The following BCAT1 variants were observed in gnomAD, a reference collection of about 807,000 sequenced individuals.
BCAT1 encodes the protein branched chain amino acid transaminase 1, also known as branched-chain-amino-acid aminotransferase, cytosolic.
Under a neutral mutation model 52.4 loss-of-function variants are expected in BCAT1, and 48 were observed. The ratio of observed to expected loss-of-function variants is 0.92; its 90% confidence interval spans 0.73 to 1.16. BCAT1 has a LOEUF of 1.16. Ranked by LOEUF, BCAT1 falls within the 50% of genes most tolerant of loss-of-function variation. The pLI is 0.00. For synonymous variants in BCAT1, 167 were observed against 161.3 expected (o/e 1.04, Z -0.27); for missense variants, 451 against 457.1 (o/e 0.99, Z 0.12).
At chr12:24,830,790 G>C (rs1591782976) in intron 9 of BCAT1, 1 of 152,118 alleles carries the variant, frequency 6.6e-6, no homozygotes, top group African/African-American at 2.4e-5. Flanking sequence ...TCTTATCAAT[G>C]TAAGTATTGA....
rs536650701 is a variant in BCAT1, at chr12:24,810,191, A to G, written c.*7817T>C. 2.6e-5 allele frequency: 4 copies of G among 152,258 alleles called. No homozygotes were observed. The highest frequency in any genetic ancestry group is 9.6e-5 in the African/African-American group (4 of 41,532). 9.4% of individuals were successfully genotyped at this position (152,258 alleles called of 1,614,324 possible). On this transcript the variant is annotated 3_prime_UTR_variant, in exon 11 of 11. Coordinates refer to ENST00000261192, the MANE Select transcript of BCAT1 (RefSeq NM_005504.7). Reference sequence around the variant, plus strand: ...GCCCAGTGATTATTCTACAGACCATAGGAAGCATCTACACCTCAGCTGTCG... The same window carrying G: ...GCCCAGTGATTATTCTACAGACCATGGGAAGCATCTACACCTCAGCTGTCG...
intron 9 of BCAT1, among the ~76,000 whole-genome samples, chr12:24,831,988 G>A (rs1940686345): frequency 6.6e-6 from 1 of 152,144 alleles, no homozygotes; most frequent in Non-Finnish European, 1.5e-5. Flanking sequence ...CACCAGGTTT[G>A]CCAATGAATA....
chr12:24,890,326 G>A lies in BCAT1; in HGVS notation c.279+3949C>T, dbSNP rs186808259. ...ATGTCAGAGGTGTTTGGACCAGAGC[G>A]ACTCCATCCTGATTAGGGGCTGGGT... On this transcript the variant is annotated intron_variant, in intron 3 of 10. Transcript: ENST00000261192. Among the ~76,000 whole-genome samples, 296 of 152,208 alleles carry A rather than the reference G, an allele frequency of 1.9e-3. 3 individuals are homozygous for A. Among genetic ancestry groups the A allele is most frequent in the South Asian group, 6.2e-3 (30 of 4,822 alleles).
Position 24,836,564 on chromosome 12 carries a change from T to C in BCAT1, c.850A>G (p.Ile284Val). 6.2e-7 allele frequency: 1 copy of C among 1,612,966 alleles called. No individual in the cohort carries two copies. Among genetic ancestry groups the C allele is most frequent in the Non-Finnish European group, 8.5e-7 (1 of 1,179,536 alleles). ...EELATPPLDG[I>V]ILPGVTRRCI... ...CGCCTTGTCACTCCTGGAAGAATGA[T>C]GCCATCTAGTGGAGGAGTTGCCAGT... Residue 284 changes from isoleucine (I) to valine (V), a missense_variant, in exon 8 of 11, where the codon ATC becomes GTC. Coordinates refer to ENST00000261192, the MANE Select transcript of BCAT1 (RefSeq NM_005504.7).
intron 1 of BCAT1, among the ~76,000 whole-genome samples, chr12:24,939,823 G>C (rs1257898402): frequency 6.6e-6 from 1 of 152,176 alleles, no homozygotes; most frequent in Non-Finnish European, 1.5e-5. Flanking sequence ...GACAGAGCAA[G>C]ACTCTGTCTC....
intron 1 of BCAT1, among the ~76,000 whole-genome samples, chr12:24,909,410 A>C (rs946144469): frequency 3.3e-5 from 5 of 152,228 alleles, no homozygotes; most frequent in African/African-American, 9.6e-5. Flanking sequence ...CATTCAACGA[A>C]GTAAAATGAG....
In BCAT1 at chr12:24,816,127, T is replaced by C; in HGVS notation, c.*1881A>G. ...CCCTAAAAGATATTTTTATCATTCC[T>C]TTTCATCTTATATTTCTCAATTTTC... On this transcript the variant is annotated 3_prime_UTR_variant, in exon 11 of 11. Coordinates refer to ENST00000261192, the MANE Select transcript of BCAT1 (RefSeq NM_005504.7). 1 of 165,386 alleles carries C rather than the reference T, an allele frequency of 6.0e-6. No homozygotes were observed. Among genetic ancestry groups the C allele is most frequent in the Non-Finnish European group, 1.3e-5 (1 of 76,998 alleles). The allele number at this position is 165,386 out of a possible 1,614,324, so 10.2% of individuals were successfully genotyped here. A position where few individuals can be genotyped will look rare whatever the true frequency, so the allele number is the denominator to read the frequency against.
chr12:24,882,144 C>T (rs934100842), intron 3 of BCAT1, among the ~76,000 whole-genome samples: 3 of 152,194 alleles, frequency 2.0e-5, no homozygotes, highest in Non-Finnish European at 4.4e-5. Context: ...GAAGAACAAA[C>T]TTCCCTAACT....
At chr12:24,906,827 G>A (rs1943233705) in intron 1 of BCAT1, among the ~76,000 whole-genome samples, 1 of 152,126 alleles carries the variant, frequency 6.6e-6, no homozygotes, top group African/African-American at 2.4e-5. Flanking sequence ...CAAATACCCT[G>A]ACAGTTGCCA....
intron 2 of BCAT1, among the ~76,000 whole-genome samples, chr12:24,900,564 G>A (rs1591856898): frequency 6.6e-6 from 1 of 152,128 alleles, no homozygotes; most frequent in South Asian, 2.1e-4. Context: ...CTTCAGTCTG[G>A]GCAACAGAAC....
At chr12:24,835,413 T>A (rs1940872771) in intron 8 of BCAT1, among the ~76,000 whole-genome samples, 1 of 152,194 alleles carries the variant, frequency 6.6e-6, no homozygotes, top group Non-Finnish European at 1.5e-5. Flanking sequence ...GCTCAAAGCC[T>A]TTTCATGTTC....
At position 24,832,706 on chromosome 12, in the gene BCAT1, G is replaced by A. The variant is rs765110099; in HGVS notation, c.1044+17C>T. The A allele has an allele frequency of 1.3e-6, 2 of 1,594,040 alleles. No individual in the cohort carries two copies. Among genetic ancestry groups the A allele is most frequent in the South Asian group, 1.1e-5 (1 of 87,384 alleles). Reference sequence around the variant, plus strand: ...TGTGATTGGAAATGATAGGAAATGAGGAAATACTTGTCGTACCTCGCCTTT... The same window carrying A: ...TGTGATTGGAAATGATAGGAAATGAAGAAATACTTGTCGTACCTCGCCTTT... On this transcript the variant is annotated intron_variant, in intron 9 of 10. Coordinates refer to ENST00000261192, the MANE Select transcript of BCAT1 (RefSeq NM_005504.7).
intron 3 of BCAT1, among the ~76,000 whole-genome samples, chr12:24,892,309 C>G (rs1033022437): frequency 1.3e-5 from 2 of 152,092 alleles, no homozygotes; most frequent in African/African-American, 2.4e-5. Context: ...CCCCACCCAG[C>G]CTTCAAAGAG....
intron 3 of BCAT1, among the ~76,000 whole-genome samples, chr12:24,892,765 T>A (rs7307610): frequency 0.19 from 28,263 of 151,862 alleles, 3,147 homozygotes; most frequent in African/African-American, 0.31. Flanking sequence ...AGGTACGAGG[T>A]TTGCTTGAGC....
chr12:24,903,526 TG>T (rs1175765662), intron 1 of BCAT1: 2 of 152,300 alleles, frequency 1.3e-5, no homozygotes, highest in Non-Finnish European at 2.9e-5. Context: ...ATGTGCAAAC[TG>T]AAGGGGGAGA....
intron 1 of BCAT1, among the ~76,000 whole-genome samples, chr12:24,937,123 A>T (rs1274586283): frequency 6.6e-6 from 1 of 152,214 alleles, no homozygotes; most frequent in African/African-American, 2.4e-5. Flanking sequence ...TCCCAAAGTC[A>T]TACAAATAAT....
At chr12:24,866,940 G>T (rs556320074) in intron 5 of BCAT1, among the ~76,000 whole-genome samples, 1 of 152,090 alleles carries the variant, frequency 6.6e-6, no homozygotes, top group African/African-American at 2.4e-5. Flanking sequence ...TTGTTCTCTC[G>T]CTCTTTGCAG....
intron 5 of BCAT1, among the ~76,000 whole-genome samples, chr12:24,855,773 TTTTTTTTCTTTTTC>T (rs1473574639): frequency 5.5e-4 from 83 of 152,058 alleles, no homozygotes; most frequent in African/African-American, 1.8e-3. Flanking sequence ...TCCATCTTTA[TTTTTTTTCTTTTTC>T]TTTTTTTCTT....
Position 24,894,355 on chromosome 12 carries a change from C to A in BCAT1, c.199G>T (p.Gly67Ter), listed in dbSNP as rs1942910773. 1 of 1,613,898 alleles carries A rather than the reference C, an allele frequency of 6.2e-7. No homozygotes were observed. ...MLTVEWSSEF[G>*]WEKPHIKPLQ... ...GGCTTGATATGAGGTTTCTCCCATC[C>A]AAACTCTGAGGACCACTCCACCGTC... Residue 67 changes from glycine to a stop codon, truncating the protein, a stop_gained, in exon 3 of 11, where the codon GGA becomes TGA. Transcript: ENST00000261192. LOFTEE classifies it high-confidence loss of function.
Sources: gnomAD v4.1 joint callset for allele counts (sites outside exome capture counted in the v4.1 genomes callset) on GRCh38, gnomAD v4.1.1 for gene constraint, MANE v1.5 for transcripts, NCBI Gene and HGNC (gene_info 2026-07-23, HGNC 2026-07-21) for gene names.